Variants in FRMD1 observed in about 807,000 individuals in gnomAD.
The protein encoded by FRMD1 is FERM domain-containing protein 1.
Under a neutral mutation model 54.9 loss-of-function variants are expected in FRMD1, and 51 were observed. The observed-to-expected ratio is 0.93, with a 90% CI of 0.74 to 1.17. FRMD1 has a LOEUF of 1.17. FRMD1 is among the 50% of genes most tolerant of loss of function. The pLI is 0.00. For synonymous variants in FRMD1, 324 were observed against 306.4 expected, an observed-to-expected ratio of 1.06 and a Z score of -0.60; for missense variants, 729 against 743.0, an observed-to-expected ratio of 0.98 and a Z score of 0.22.
intron 2 of FRMD1, among the ~76,000 whole-genome samples, chr6:168,074,010 T>C (rs554826866): frequency 1.2e-3 from 187 of 152,190 alleles, no homozygotes; most frequent in African/African-American, 4.3e-3. Flanking sequence ...CTCCCTCGGC[T>C]TGGCTGGGGA....
intron 1 of FRMD1, among the ~76,000 whole-genome samples, chr6:168,089,336 C>A (rs6907103): frequency 1.3e-5 from 2 of 152,022 alleles, no homozygotes. Context: ...TTTTAGAGAA[C>A]GTTTTTGTGG....
chr6:168,057,402 C>T lies in FRMD1; in HGVS notation c.1408-63G>A, dbSNP rs1583161539. ...CTCTCACTCCCACCACCGCACACGG[C>T]AGCCACACTGCTTGTGGCCACAGAG... On this transcript the variant is annotated intron_variant, in intron 10 of 10. Coordinates refer to ENST00000283309, the MANE Select transcript of FRMD1 (RefSeq NM_024919.6). 4.4e-6 allele frequency: 7 copies of T among 1,575,804 alleles called. No individual in the cohort carries two copies. In the East Asian group the frequency reaches 1.6e-4, roughly 35 times the overall value.
chr6:168,087,501 A>G (rs546741895), intron 1 of FRMD1, among the ~76,000 whole-genome samples: 5 of 152,350 alleles, frequency 3.3e-5, no homozygotes, highest in African/African-American at 1.2e-4. Flanking sequence ...CAGAGAGGTT[A>G]AAGGGCCCTG....
chr6:168,063,058 T>G lies in FRMD1; in HGVS notation c.805-99A>C, dbSNP rs529675207. The G allele has an allele frequency of 1.8e-4, 174 of 966,092 alleles. 2 individuals carry two copies. Among genetic ancestry groups the G allele is most frequent in the East Asian group, 1.5e-3 (61 of 41,788 alleles). 59.8% of individuals were successfully genotyped at this position (966,092 alleles called of 1,614,324 possible). ...GTCTGGCTAGGGGCCGAGGGCTCCATGGACCAGGCTGAGCTCTGGGGCCCA... is the reference window on the plus strand; with the variant it reads ...GTCTGGCTAGGGGCCGAGGGCTCCAGGGACCAGGCTGAGCTCTGGGGCCCA... On this transcript the variant is annotated intron_variant, in intron 6 of 10. Transcript: ENST00000283309.
Position 168,054,865 on chromosome 6 carries a change from A to C in FRMD1, c.*2232T>G, listed in dbSNP as rs1419922199. 1 of 152,130 alleles carries C rather than the reference A, an allele frequency of 6.6e-6. No homozygotes were observed. Among genetic ancestry groups the C allele is most frequent in the African/African-American group, 2.4e-5 (1 of 41,372 alleles). 9.4% of individuals were successfully genotyped at this position (152,130 alleles called of 1,614,324 possible). A position where few individuals can be genotyped will look rare whatever the true frequency, so the allele number is the denominator to read the frequency against. ...AAAGCTGAGGCTCAAGCCTTAGGGG[A>C]GTCTGCCCCGGCCCCGGCTGGGTGT... On this transcript the variant is annotated 3_prime_UTR_variant, in exon 11 of 11. Coordinates refer to ENST00000283309, the MANE Select transcript of FRMD1 (RefSeq NM_024919.6).
rs1262384043 is a variant in FRMD1 at position 168,075,425 on chromosome 6, G to A, written c.214-90C>T. ...GCAAACGAGGCCCAGCGGGGCACCA[G>A]GTGGACGACCCAGTCAGGCATCCCC... On this transcript the variant is annotated intron_variant, in intron 1 of 10. Transcript: ENST00000283309. 3.9e-6 allele frequency: 4 copies of A among 1,018,348 alleles called. No individual in the cohort carries two copies. In the East Asian group the frequency reaches 7.2e-5, roughly 18 times the overall value. 63.1% of individuals were successfully genotyped at this position (1,018,348 alleles called of 1,614,324 possible).
At chr6:168,077,288 G>C (rs1800640735) in intron 1 of FRMD1, among the ~76,000 whole-genome samples, 3 of 151,108 alleles carry the variant, frequency 2.0e-5, no homozygotes, top group African/African-American at 7.3e-5. Context: ...CGATGGGGGG[G>C]GGTTCTTGTC....
In FRMD1 at chr6:168,061,147, C is replaced by G; in HGVS notation, c.1046-90G>C. 4 of 1,293,390 alleles carry G rather than the reference C, an allele frequency of 3.1e-6. No individual in the cohort carries two copies. The South Asian group carries it at 5.7e-5, about 18-fold the overall frequency. The allele number at this position is 1,293,390 out of a possible 1,614,324, so 80.1% of individuals were successfully genotyped here. Reference sequence around the variant, plus strand: ...GAAGAGCCCGGGAGACAGAAATGCACACCCACAGCCCAGATGAGGACGTGG... The same window carrying G: ...GAAGAGCCCGGGAGACAGAAATGCAGACCCACAGCCCAGATGAGGACGTGG... On this transcript the variant is annotated intron_variant, in intron 8 of 10. Coordinates refer to ENST00000283309, the MANE Select transcript of FRMD1 (RefSeq NM_024919.6).
At chr6:168,063,886 C>T in intron 5 of FRMD1, 130 bp from the exon 6 acceptor site, 1 of 1,072,306 alleles carries the variant, frequency 9.3e-7, no homozygotes, top group Non-Finnish European at 1.3e-6. Context: ...GGGCCAGGGC[C>T]TGGCTGCTGA....
chr6:168,066,521 A>G lies in FRMD1; in HGVS notation c.461+234T>C, dbSNP rs1800033348. The G allele has an allele frequency of 3.1e-6, 4 of 1,277,188 alleles. No individual in the cohort carries two copies. In the East Asian group the frequency reaches 1.3e-4, roughly 41 times the overall value. The allele number at this position is 1,277,188 out of a possible 1,614,324, so 79.1% of individuals were successfully genotyped here. A position where few individuals can be genotyped will look rare whatever the true frequency, so the allele number is the denominator to read the frequency against. ...CTCAAAACAAAACAAAACAAAACAA[A>G]AAGAAAAAGAAAAGAAAAAGAAGTA... On this transcript the variant is annotated intron_variant, in intron 4 of 10. Transcript: ENST00000283309.
Position 168,059,295 on chromosome 6 carries a change from C to T in FRMD1, c.1343-107G>A. ...TGGGGCCCTGGTCTCGGACCGGCAT[C>T]TCCTGAGGCTCACACCGCCCCCTTG... is the stretch of plus-strand genomic sequence containing the variant. On this transcript the variant is annotated intron_variant, in intron 9 of 10. Coordinates refer to ENST00000283309, the MANE Select transcript of FRMD1 (RefSeq NM_024919.6). The surrounding 1 kb of genome is among the most constrained non-coding windows in gnomAD (Gnocchi z 4.4). The T allele has an allele frequency of 1.1e-6, 1 of 884,218 alleles. No homozygotes were observed. The highest frequency in any genetic ancestry group is 1.7e-6 in the Non-Finnish European group (1 of 571,652). 54.8% of individuals were successfully genotyped at this position (884,218 alleles called of 1,614,324 possible).
chr6:168,089,782 A>G (rs915730134), intron 1 of FRMD1, among the ~76,000 whole-genome samples: 2 of 152,204 alleles, frequency 1.3e-5, no homozygotes, highest in African/African-American at 4.8e-5. Flanking sequence ...GTTTCACTAG[A>G]AAATGGAACT....
Position 168,056,870 on chromosome 6 carries a change from A to T in FRMD1, c.*227T>A. The T allele has an allele frequency of 2.4e-6, 1 of 415,882 alleles. No individual in the cohort carries two copies. The highest frequency in any genetic ancestry group is 4.1e-6 in the Non-Finnish European group (1 of 242,588). 25.8% of individuals were successfully genotyped at this position (415,882 alleles called of 1,614,324 possible). A position where few individuals can be genotyped will look rare whatever the true frequency, so the allele number is the denominator to read the frequency against. ...GGCTCCCTGAGACCCTGAGGGAAAG[A>T]GCTCCCGGGTGTATGGCAGACAGGC... On this transcript the variant is annotated 3_prime_UTR_variant, in exon 11 of 11. Coordinates refer to ENST00000283309, the MANE Select transcript of FRMD1 (RefSeq NM_024919.6).
In FRMD1 at chr6:168,063,764, CAG is replaced by C; in HGVS notation, c.649-10_649-9del. On this transcript the variant is annotated splice_polypyrimidine_tract_variant and intron_variant, in intron 5 of 10. Transcript: ENST00000283309. Reference sequence around the variant, plus strand: ...CCCCCTCTTGGTGATGATCTGAGGACAGAGCCGGGAGGTCAGCTCAGACCCCT... The same window carrying C: ...CCCCCTCTTGGTGATGATCTGAGGACAGCCGGGAGGTCAGCTCAGACCCCT... 1 of 1,607,844 alleles carries C rather than the reference CAG, an allele frequency of 6.2e-7. No homozygotes were observed.
chr6:168,067,234 C>G, intron 3 of FRMD1, 133 bp downstream of exon 3: 1 of 671,710 alleles, frequency 1.5e-6, no homozygotes, highest in Non-Finnish European at 2.7e-6. Flanking sequence ...GCCCTGCTCT[C>G]TCCCAACCCA....
At chr6:168,069,183 A>C (rs1203351182) in intron 2 of FRMD1, among the ~76,000 whole-genome samples, 4 of 152,206 alleles carry the variant, frequency 2.6e-5, no homozygotes, top group Admixed American at 6.5e-5. Context: ...TGCAGAGTCT[A>C]GGGGAGTCCC....
At chr6:168,062,611 C>T (rs147595287) in intron 7 of FRMD1, 18,109 of 1,484,308 alleles carry the variant, frequency 0.012, 360 homozygotes, top group Admixed American at 0.075. Context: ...GAAAATGCCC[C>T]GAGGATGAAG....
intron 3 of FRMD1, chr6:168,067,152 A>C (rs1406236586): frequency 1.4e-6 from 1 of 702,658 alleles, no homozygotes; most frequent in East Asian, 2.7e-5. Flanking sequence ...AAGGCAGCAC[A>C]TTGGTCCAGC....
At chr6:168,079,653 G>A (rs954470959), upstream of FRMD1, among the ~76,000 whole-genome samples, 7 of 152,196 alleles carry the variant, frequency 4.6e-5, no homozygotes, top group South Asian at 4.1e-4. Context: ...CACAGCTGCC[G>A]TTCCTGGACA....
Sources: gnomAD v4.1 joint callset for allele counts (sites outside exome capture counted in the v4.1 genomes callset) on GRCh38, gnomAD v4.1.1 for gene constraint, Gnocchi (gnomAD v3.1) non-coding constraint, MANE v1.5 for transcripts, NCBI Gene and HGNC (gene_info 2026-07-23, HGNC 2026-07-21) for gene names.